LDLRAD3: variants seen among roughly 807,000 people sequenced by gnomAD.
LDLRAD3 encodes low-density lipoprotein receptor class A domain-containing protein 3.
Under a neutral mutation model 29.4 loss-of-function variants are expected in LDLRAD3, and 20 were observed. The ratio of observed to expected loss-of-function variants is 0.68; its 90% CI spans 0.48 to 0.99. The LOEUF (loss-of-function observed/expected upper bound fraction) is 0.99. LDLRAD3 is among the 50% of genes least tolerant of loss of function. The pLI is 0.00. For synonymous variants in LDLRAD3, 157 were observed against 192.7 expected, an observed-to-expected ratio of 0.81 and a Z score of 1.53; for missense variants, 420 against 454.3, an observed-to-expected ratio of 0.92 and a Z score of 0.69.
intron 4 of LDLRAD3, among the ~76,000 whole-genome samples, chr11:36,178,993 C>T (rs997828194): frequency 3.9e-5 from 6 of 152,180 alleles, no homozygotes; most frequent in South Asian, 2.1e-4. Context: ...TATCAGAAGC[C>T]GTCCTTAATT....
At chr11:36,014,533 C>A (rs560565105) in intron 1 of LDLRAD3, among the ~76,000 whole-genome samples, 1 of 152,230 alleles carries the variant, frequency 6.6e-6, no homozygotes, top group East Asian at 1.9e-4. Context: ...GGCTGGGTGG[C>A]CCATCACACC....
chr11:35,973,171 G>T (rs200198095), intron 1 of LDLRAD3, among the ~76,000 whole-genome samples: 17 of 128,616 alleles, frequency 1.3e-4, no homozygotes, highest in African/African-American at 1.7e-4. Flanking sequence ...GTTTTGTTTT[G>T]TTTTTTTTGA....
intron 4 of LDLRAD3, among the ~76,000 whole-genome samples, chr11:36,101,452 T>A (rs1853445556): frequency 6.6e-6 from 1 of 152,222 alleles, no homozygotes; most frequent in Non-Finnish European, 1.5e-5. Flanking sequence ...TATAGGTTTT[T>A]AAGTTATGTG....
At chr11:36,089,400 T>C (rs1302432027) in intron 3 of LDLRAD3, among the ~76,000 whole-genome samples, 4 of 151,744 alleles carry the variant, frequency 2.6e-5, no homozygotes, top group Non-Finnish European at 5.9e-5. Context: ...CCTGAACTTT[T>C]AACTATTATA....
rs576859158 is a variant in LDLRAD3, at chr11:36,018,381, A to T, written c.47-17722A>T. Among the ~76,000 whole-genome samples, 11 of 152,322 alleles carry T rather than the reference A, an allele frequency of 7.2e-5. No homozygotes were observed. In the South Asian group the frequency reaches 2.3e-3, roughly 32 times the overall value. On this transcript the variant is annotated intron_variant, in intron 1 of 5. Transcript: ENST00000315571. ...GATCCTGTTCAGACATGTTATAACA[A>T]GTTAGTATGAGTTTATTTGGGTACA...
intron 4 of LDLRAD3, among the ~76,000 whole-genome samples, chr11:36,218,360 AG>A (rs1855380303): frequency 6.6e-6 from 1 of 152,192 alleles, no homozygotes; most frequent in Non-Finnish European, 1.5e-5. Flanking sequence ...CAGGCCAAAC[AG>A]GGTGATGTGA....
intron 4 of LDLRAD3, among the ~76,000 whole-genome samples, chr11:36,112,376 A>G (rs1275251802): frequency 6.6e-6 from 1 of 152,212 alleles, no homozygotes; most frequent in Non-Finnish European, 1.5e-5. Flanking sequence ...TACTAACTTG[A>G]GAAATGTTGC....
At chr11:36,060,250 A>C (rs887071245) in intron 2 of LDLRAD3, among the ~76,000 whole-genome samples, 1 of 150,426 alleles carries the variant, frequency 6.6e-6, no homozygotes, top group Non-Finnish European at 1.5e-5. Context: ...GCTACTCGGG[A>C]GGCTGAGACA....
At chr11:36,081,975 A>G (rs1029964402) in intron 3 of LDLRAD3, among the ~76,000 whole-genome samples, 197 bp downstream of exon 3, 1 of 152,202 alleles carries the variant, frequency 6.6e-6, no homozygotes, top group African/African-American at 2.4e-5. Flanking sequence ...GGCTCTACCA[A>G]GTGCACTGAG....
intron 3 of LDLRAD3, among the ~76,000 whole-genome samples, chr11:36,089,973 C>A (rs1188036012): frequency 6.6e-6 from 1 of 152,184 alleles, no homozygotes; most frequent in South Asian, 2.1e-4. Flanking sequence ...ATTTTCCATG[C>A]TTTGCTCATT....
chr11:36,133,698 T>A (rs554723588), intron 4 of LDLRAD3, among the ~76,000 whole-genome samples: 1 of 151,758 alleles, frequency 6.6e-6, no homozygotes, highest in South Asian at 2.1e-4. Context: ...CACGCCTGGC[T>A]AATTTTGTTT....
intron 1 of LDLRAD3, among the ~76,000 whole-genome samples, chr11:36,001,708 C>T (rs1851826478): frequency 6.6e-6 from 1 of 151,500 alleles, no homozygotes; most frequent in Non-Finnish European, 1.5e-5. Context: ...CACCAGTAAT[C>T]CTATCATTCA....
At chr11:36,181,900 G>A (rs1362496436) in intron 4 of LDLRAD3, among the ~76,000 whole-genome samples, 4 of 152,072 alleles carry the variant, frequency 2.6e-5, no homozygotes, top group Non-Finnish European at 5.9e-5. Flanking sequence ...TTCTGTCTCT[G>A]TCTCTCACAC....
chr11:35,960,583 T>C (rs1021834250), intron 1 of LDLRAD3, among the ~76,000 whole-genome samples: 2 of 152,012 alleles, frequency 1.3e-5, no homozygotes, highest in African/African-American at 2.4e-5. Flanking sequence ...GGTGACTTGC[T>C]GTGTTTTGTT....
chr11:36,027,996 G>A (rs562455282), intron 1 of LDLRAD3, among the ~76,000 whole-genome samples: 4 of 152,340 alleles, frequency 2.6e-5, no homozygotes, highest in Admixed American at 6.5e-5. Flanking sequence ...TTCTCTCCCA[G>A]GTCTGACCGG....
At chr11:36,171,759 G>A (rs1428785650) in intron 4 of LDLRAD3, among the ~76,000 whole-genome samples, 4 of 152,156 alleles carry the variant, frequency 2.6e-5, no homozygotes, top group Non-Finnish European at 4.4e-5. Context: ...ATAATGTGAT[G>A]CCTCCAGGTT....
intron 2 of LDLRAD3, among the ~76,000 whole-genome samples, chr11:36,054,356 A>G (rs11033391): frequency 0.15 from 23,454 of 152,186 alleles, 1,925 homozygotes; most frequent in East Asian, 0.31. Flanking sequence ...TGTGAGTAAA[A>G]TCAAAACAAA....
At chr11:36,022,501 A>G (rs1432769187) in intron 1 of LDLRAD3, among the ~76,000 whole-genome samples, 1 of 152,004 alleles carries the variant, frequency 6.6e-6, no homozygotes, top group African/African-American at 2.4e-5. Flanking sequence ...CAGGTCTGTG[A>G]CTACTTTGCT....
At chr11:36,020,545 C>G (rs561823562) in intron 1 of LDLRAD3, among the ~76,000 whole-genome samples, 1 of 152,240 alleles carries the variant, frequency 6.6e-6, no homozygotes, top group South Asian at 2.1e-4. Context: ...GTTGTGGGCT[C>G]TGGGCTACAT....
Sources: gnomAD v4.1 joint callset for allele counts (sites outside exome capture counted in the v4.1 genomes callset) on GRCh38, gnomAD v4.1.1 for gene constraint, MANE v1.5 for transcripts, NCBI Gene and HGNC (gene_info 2026-07-23, HGNC 2026-07-21) for gene names.